HIVEP3: variants seen among roughly 807,000 people sequenced by gnomAD.
HIVEP3 encodes the protein transcription factor HIVEP3.
In HIVEP3, 49 loss-of-function variants were observed where a neutral mutation model predicts 152.8. That is an observed-to-expected ratio of 0.32 (90% CI 0.26 to 0.41). The LOEUF is 0.41. HIVEP3 is among the 10% of genes least tolerant of loss of function. The probability of loss-of-function intolerance (pLI) is 1.00; values close to 1 mark genes in which losing one functional copy is unlikely to be tolerated. For synonymous variants in HIVEP3, 1,269 were observed against 1,289.0 expected (o/e 0.98, Z 0.33); for missense variants, 2,790 against 3,103.3 (o/e 0.90, Z 2.40).
intron 1 of HIVEP3, among the ~76,000 whole-genome samples, chr1:41,798,628 T>C (rs562466867): frequency 6.6e-6 from 1 of 152,354 alleles, no homozygotes; most frequent in African/African-American, 2.4e-5. Flanking sequence ...GCCTTTTTTT[T>C]CTCCCCAATT....
chr1:41,552,853 G>C (rs185491326), intron 5 of HIVEP3, among the ~76,000 whole-genome samples: 1 of 152,328 alleles, frequency 6.6e-6, no homozygotes, highest in Admixed American at 6.5e-5. Context: ...TTGCACTGTG[G>C]TCTGAGAGGC....
chr1:41,885,560 G>C (rs1221570796), intron 1 of HIVEP3, among the ~76,000 whole-genome samples: 1 of 152,218 alleles, frequency 6.6e-6, no homozygotes, highest in Non-Finnish European at 1.5e-5. Flanking sequence ...CAGCTACGCG[G>C]AGGCTGAGGC....
chr1:42,015,087 A>G (rs1645514316), intron 1 of HIVEP3, among the ~76,000 whole-genome samples: 1 of 152,196 alleles, frequency 6.6e-6, no homozygotes, highest in African/African-American at 2.4e-5. Context: ...TCCGAGGATC[A>G]TGCTTAAGGA....
At chr1:41,870,694 A>T (rs1035692140) in intron 1 of HIVEP3, among the ~76,000 whole-genome samples, 1 of 152,254 alleles carries the variant, frequency 6.6e-6, no homozygotes, top group Non-Finnish European at 1.5e-5. Context: ...TCTACTAGTA[A>T]GTGAAAACAA....
intron 1 of HIVEP3, among the ~76,000 whole-genome samples, chr1:41,992,215 C>G (rs1227463058): frequency 4.9e-4 from 74 of 151,918 alleles, no homozygotes; most frequent in Non-Finnish European, 8.8e-4. Flanking sequence ...AATTGTCCCT[C>G]TTTGCAGATG....
At chr1:41,657,987 C>T (rs567456455) in intron 2 of HIVEP3, among the ~76,000 whole-genome samples, 1 of 152,252 alleles carries the variant, frequency 6.6e-6, no homozygotes, top group South Asian at 2.1e-4. Flanking sequence ...ACATGCTGTC[C>T]CCAGACTCTC....
intron 2 of HIVEP3, among the ~76,000 whole-genome samples, chr1:41,658,585 T>G (rs1253095196): frequency 2.6e-5 from 4 of 152,150 alleles, no homozygotes; most frequent in Non-Finnish European, 4.4e-5. Flanking sequence ...ACCCCCCCCA[T>G]GAGCCTCGGG....
intron 1 of HIVEP3, among the ~76,000 whole-genome samples, chr1:41,903,612 T>A (rs772129268): frequency 9.9e-5 from 15 of 152,226 alleles, no homozygotes; most frequent in Non-Finnish European, 1.8e-4. Context: ...AGAAAAGAAA[T>A]CAAAAAGCAT....
chr1:41,724,567 T>A (rs577045258), intron 1 of HIVEP3, among the ~76,000 whole-genome samples: 6 of 152,328 alleles, frequency 3.9e-5, no homozygotes, highest in African/African-American at 1.2e-4. Context: ...ACCTACCCTT[T>A]CTGGCTCTTT....
intron 1 of HIVEP3, among the ~76,000 whole-genome samples, chr1:41,876,296 G>A (rs1033965385): frequency 6.6e-6 from 1 of 152,162 alleles, no homozygotes; most frequent in African/African-American, 2.4e-5. Flanking sequence ...CAAAGAGATA[G>A]GTGAAGATAG....
intron 1 of HIVEP3, among the ~76,000 whole-genome samples, chr1:41,862,540 C>T (rs1250963880): frequency 6.6e-6 from 1 of 152,208 alleles, no homozygotes; most frequent in Admixed American, 6.5e-5. Flanking sequence ...CCTCCACCCC[C>T]AAGCCACTGC....
chr1:41,675,889 C>T (rs1292049984), intron 2 of HIVEP3, among the ~76,000 whole-genome samples: 1 of 152,114 alleles, frequency 6.6e-6, no homozygotes, highest in African/African-American at 2.4e-5. Flanking sequence ...AGGGTGTGTC[C>T]ACACGGCCCA....
chr1:42,027,557 T>C (rs1645588887), intron 1 of HIVEP3, among the ~76,000 whole-genome samples: 1 of 152,190 alleles, frequency 6.6e-6, no homozygotes. Context: ...AGCCACAATG[T>C]CCTCCTTGCT....
intron 1 of HIVEP3, among the ~76,000 whole-genome samples, chr1:42,032,960 C>A (rs1645621279): frequency 1.3e-5 from 2 of 152,168 alleles, no homozygotes; most frequent in South Asian, 4.1e-4. Flanking sequence ...CAGATACAAT[C>A]CTGTCTTCTT....
intron 1 of HIVEP3, among the ~76,000 whole-genome samples, chr1:42,022,046 G>A (rs1645557619): frequency 6.6e-6 from 1 of 152,216 alleles, no homozygotes; most frequent in Middle Eastern, 3.4e-3. Context: ...ACAGGGCTGG[G>A]GCCCCACAAC....
intron 5 of HIVEP3, among the ~76,000 whole-genome samples, chr1:41,574,207 C>T (rs1187045405): frequency 2.6e-5 from 4 of 152,048 alleles, no homozygotes; most frequent in African/African-American, 7.2e-5. Context: ...TGTGAGCAGG[C>T]GCTTCATCAA....
intron 1 of HIVEP3, among the ~76,000 whole-genome samples, chr1:41,989,433 A>C (rs1186700263): frequency 1.3e-5 from 2 of 152,208 alleles, no homozygotes; most frequent in African/African-American, 4.8e-5. Context: ...AAAAAATGTT[A>C]TGAACAAAAT....
At chr1:41,793,449 C>A (rs367866840) in intron 1 of HIVEP3, among the ~76,000 whole-genome samples, 1 of 152,134 alleles carries the variant, frequency 6.6e-6, no homozygotes, top group Non-Finnish European at 1.5e-5. Flanking sequence ...CACAGAGGGG[C>A]AGAGAAGCTG....
chr1:41,712,258 T>C (rs1646524237), intron 1 of HIVEP3, among the ~76,000 whole-genome samples: 1 of 152,212 alleles, frequency 6.6e-6, no homozygotes, highest in African/African-American at 2.4e-5. Context: ...AACAGGGCCA[T>C]GGTGATATGA....
Sources: gnomAD v4.1 joint callset for allele counts (sites outside exome capture counted in the v4.1 genomes callset) on GRCh38, gnomAD v4.1.1 for gene constraint, MANE v1.5 for transcripts, NCBI Gene and HGNC (gene_info 2026-07-23, HGNC 2026-07-21) for gene names.